The following NFIB variants were observed in gnomAD, a reference collection of about 807,000 sequenced individuals.
The protein encoded by NFIB is nuclear factor I B.
A neutral mutation model predicts 61.5 loss-of-function variants in NFIB; 11 were observed. The ratio of observed to expected loss-of-function variants is 0.18; its 90% CI spans 0.11 to 0.30. The LOEUF (loss-of-function observed/expected upper bound fraction) is 0.30. NFIB is among the 10% of genes least tolerant of loss of function. The pLI is 1.00. For missense variants in NFIB, 471 were observed against 608.9 expected (o/e 0.77, Z 2.38); for synonymous variants, 260 against 216.5 (o/e 1.20, Z -1.76).
chr9:14,236,800 T>G (rs994820871), intron 2 of NFIB, among the ~76,000 whole-genome samples: 1 of 152,068 alleles, frequency 6.6e-6, no homozygotes, highest in African/African-American at 2.4e-5. Context: ...AGTAAACACA[T>G]GCTGATTAGC....
At chr9:14,265,486 C>T (rs2057119100) in intron 2 of NFIB, among the ~76,000 whole-genome samples, 2 of 152,156 alleles carry the variant, frequency 1.3e-5, no homozygotes, top group African/African-American at 4.8e-5. Context: ...AGAAGGCTGC[C>T]ATCTATAAGC....
chr9:14,237,929 T>C (rs2053958482), intron 2 of NFIB, among the ~76,000 whole-genome samples: 1 of 150,800 alleles, frequency 6.6e-6, no homozygotes, highest in South Asian at 2.1e-4. Flanking sequence ...AACAGCAGAT[T>C]ATCAAAGTCC....
intron 1 of NFIB, among the ~76,000 whole-genome samples, chr9:14,349,909 C>T (rs1444161966): frequency 6.6e-6 from 1 of 152,208 alleles, no homozygotes; most frequent in Non-Finnish European, 1.5e-5. Context: ...AAGTCACACC[C>T]CCATTACCGG....
chr9:14,241,682 A>G (rs1276755417), intron 2 of NFIB, among the ~76,000 whole-genome samples: 1 of 152,178 alleles, frequency 6.6e-6, no homozygotes, highest in Non-Finnish European at 1.5e-5. Context: ...GCCCACAACC[A>G]TATGCTTCCA....
chr9:14,485,978 T>C, the NFIB span, among the ~76,000 whole-genome samples: 2 of 152,022 alleles, frequency 1.3e-5, no homozygotes, highest in African/African-American at 2.4e-5. Context: ...AACAGATACA[T>C]ATAAAATAGT....
intron 2 of NFIB, among the ~76,000 whole-genome samples, chr9:14,255,911 C>T (rs931528941): frequency 4.6e-5 from 7 of 152,150 alleles, no homozygotes; most frequent in African/African-American, 1.2e-4. Context: ...ATTACTGAAG[C>T]GCAAAACACC....
At chr9:14,492,093 G>A in the NFIB span, among the ~76,000 whole-genome samples, 2 of 152,160 alleles carry the variant, frequency 1.3e-5, no homozygotes, top group East Asian at 3.9e-4. Flanking sequence ...GCCGAGCGCG[G>A]TGGCTCAAGC....
chr9:14,424,683 G>A, the NFIB span, among the ~76,000 whole-genome samples: 96 of 152,306 alleles, frequency 6.3e-4, 1 homozygote, highest in African/African-American at 2.3e-3. Flanking sequence ...GGAGCCATGG[G>A]TCTTATTGAC....
At chr9:14,447,676 T>A in the NFIB span, among the ~76,000 whole-genome samples, 1 of 152,166 alleles carries the variant, frequency 6.6e-6, no homozygotes, top group Admixed American at 6.5e-5. Context: ...ATAGCTGCAT[T>A]ATTTCTAGTT....
At chr9:14,434,071 G>T in the NFIB span, among the ~76,000 whole-genome samples, 1 of 152,186 alleles carries the variant, frequency 6.6e-6, no homozygotes, top group African/African-American at 2.4e-5. Flanking sequence ...ATTAAAATTT[G>T]TGGAAACACT....
At chr9:14,403,403 C>G (rs556729438), upstream of NFIB, among the ~76,000 whole-genome samples, 1 of 152,252 alleles carries the variant, frequency 6.6e-6, no homozygotes, top group African/African-American at 2.4e-5. Context: ...TACCCCTTTC[C>G]CAGAAATTTC....
chr9:14,330,386 G>A (rs1215414646), intron 1 of NFIB, among the ~76,000 whole-genome samples: 1 of 152,054 alleles, frequency 6.6e-6, no homozygotes, highest in African/African-American at 2.4e-5. Context: ...CATATTTTCC[G>A]ATCACTAAAT....
intron 1 of NFIB, among the ~76,000 whole-genome samples, chr9:14,328,436 ATGG>A (rs2060781059): frequency 6.6e-6 from 1 of 152,186 alleles, no homozygotes; most frequent in South Asian, 2.1e-4. Context: ...GGCGTGAGCC[ATGG>A]CATGGGGCCC....
intron 2 of NFIB, among the ~76,000 whole-genome samples, chr9:14,228,714 C>T (rs893792171): frequency 2.8e-4 from 42 of 152,292 alleles, no homozygotes; most frequent in Admixed American, 2.6e-3. Context: ...TTTACCACTA[C>T]GTAAGAAAGG....
the NFIB span, among the ~76,000 whole-genome samples, chr9:14,476,332 T>G: frequency 2.6e-5 from 4 of 152,088 alleles, no homozygotes; most frequent in East Asian, 7.7e-4. Context: ...CAGCTCAATT[T>G]TTAATTTATT....
the NFIB span, among the ~76,000 whole-genome samples, chr9:14,530,495 A>T: frequency 6.6e-6 from 1 of 152,112 alleles, no homozygotes; most frequent in Admixed American, 6.5e-5. Flanking sequence ...AGCAACAAGT[A>T]GCAGCGGCAG....
At chr9:14,107,406 T>C (rs1475327731) in intron 10 of NFIB, among the ~76,000 whole-genome samples, 1 of 152,080 alleles carries the variant, frequency 6.6e-6, no homozygotes, top group Non-Finnish European at 1.5e-5. Context: ...AACCCATGTT[T>C]CTTGATATTT....
the NFIB span, among the ~76,000 whole-genome samples, chr9:14,468,102 C>T: frequency 1.6e-3 from 241 of 152,338 alleles, no homozygotes; most frequent in Non-Finnish European, 2.7e-3. Flanking sequence ...AACCAACTTA[C>T]ACACAAAGTG....
intron 2 of NFIB, among the ~76,000 whole-genome samples, chr9:14,292,410 G>C (rs552249977): frequency 2.6e-5 from 4 of 152,286 alleles, no homozygotes; most frequent in African/African-American, 9.6e-5. Context: ...CAAGAGTCAG[G>C]TTACACATTT....
Sources: allele counts gnomAD v4.1 joint callset (sites outside exome capture counted in the v4.1 genomes callset), GRCh38; gene constraint gnomAD v4.1.1; transcripts MANE v1.5; gene names NCBI Gene and HGNC (gene_info 2026-07-23, HGNC 2026-07-21).